SLC35F3: variants seen among roughly 807,000 people sequenced by gnomAD.
SLC35F3 encodes the protein putative thiamine transporter SLC35F3.
Under a neutral mutation model 49.9 loss-of-function variants are expected in SLC35F3, and 25 were observed. That is an observed-to-expected ratio of 0.50 (90% CI 0.37 to 0.70). The LOEUF is 0.70. Among genes scored for constraint, SLC35F3 ranks in the 30% least tolerant of loss-of-function variants. The pLI is 0.00. For synonymous variants in SLC35F3, 275 were observed against 265.4 expected (o/e 1.04, Z -0.35); for missense variants, 525 against 639.8 (o/e 0.82, Z 1.94).
At chr1:234,036,663 C>G (rs962132233) in intron 2 of SLC35F3, among the ~76,000 whole-genome samples, 1 of 152,252 alleles carries the variant, frequency 6.6e-6, no homozygotes. Flanking sequence ...TTGTCAGTGT[C>G]GGGAGGGACA....
Position 234,105,122 on chromosome 1 carries a change from C to T in SLC35F3, c.284-126295C>T, listed in dbSNP as rs571126310. 4.4e-5 allele frequency among the ~76,000 whole-genome samples: 5 copies of T among 112,514 alleles called. No individual in the cohort carries two copies. In the East Asian group the frequency reaches 7.9e-4, roughly 18 times the overall value. 73.8% of individuals were successfully genotyped at this position (112,514 alleles called of 152,430 possible). ...TGGCCTGGGCGACAATGTGAGACTC[C>T]GTTAAAAAAAAAAAAAAAAAACCTT... On this transcript the variant is annotated intron_variant, in intron 2 of 7. Transcript: ENST00000366618.
intron 2 of SLC35F3, among the ~76,000 whole-genome samples, chr1:234,035,890 G>A (rs1664133392): frequency 6.6e-6 from 1 of 152,106 alleles, no homozygotes; most frequent in Non-Finnish European, 1.5e-5. Context: ...CACCAAAGTG[G>A]TTGTTTTTTC....
chr1:234,316,582 A>G lies in SLC35F3; in HGVS notation c.829-20A>G, dbSNP rs1235310096. ...CTCCGTCCCGACTTCCCTGACCAGC[A>G]TTTTCTTCCGTCTGTCCAGATTGTG... On this transcript the variant is annotated intron_variant, in intron 4 of 7. Coordinates refer to ENST00000366618, the MANE Select transcript of SLC35F3 (RefSeq NM_173508.4). The G allele has an allele frequency of 6.3e-7, 1 of 1,593,770 alleles. No individual in the cohort carries two copies. Among genetic ancestry groups the G allele is most frequent in the Non-Finnish European group, 8.6e-7 (1 of 1,163,798 alleles).
At chr1:233,920,875 C>T (rs1171944558) in intron 2 of SLC35F3, among the ~76,000 whole-genome samples, 1 of 152,222 alleles carries the variant, frequency 6.6e-6, no homozygotes, top group East Asian at 1.9e-4. Flanking sequence ...AGTCCTACAA[C>T]CACAGTCAAC....
chr1:233,912,077 G>A (rs750981950), intron 2 of SLC35F3, among the ~76,000 whole-genome samples: 1 of 152,156 alleles, frequency 6.6e-6, no homozygotes, highest in Non-Finnish European at 1.5e-5. Flanking sequence ...GGATGCTCTG[G>A]CCCTGCAGCC....
In SLC35F3 at chr1:234,193,870, A is replaced by T. The variant is rs190140768; in HGVS notation, c.284-37547A>T. Among the ~76,000 whole-genome samples, 6 of 152,354 alleles carry T rather than the reference A, an allele frequency of 3.9e-5. No individual in the cohort carries two copies. The East Asian group carries it at 1.2e-3, about 29-fold the overall frequency. On this transcript the variant is annotated intron_variant, in intron 2 of 7. Transcript: ENST00000366618. ...TGCTCAACATCACTAATGATAAAGGAAATGTAAATGAAAACCGCAATACAA... is the reference window on the plus strand; with the variant it reads ...TGCTCAACATCACTAATGATAAAGGTAATGTAAATGAAAACCGCAATACAA...
At chr1:233,987,169 A>T (rs532049436) in intron 2 of SLC35F3, among the ~76,000 whole-genome samples, 25 of 152,324 alleles carry the variant, frequency 1.6e-4, no homozygotes, top group African/African-American at 5.8e-4. Context: ...ACATGCCTGT[A>T]ATCTCAGCTA....
At chr1:234,227,173 T>G (rs921786934) in intron 2 of SLC35F3, among the ~76,000 whole-genome samples, 2 of 152,170 alleles carry the variant, frequency 1.3e-5, no homozygotes, top group African/African-American at 4.8e-5. Context: ...TACTTTGCAT[T>G]GCTCCCAGAA....
chr1:234,069,628 C>T (rs1664683494), intron 2 of SLC35F3, among the ~76,000 whole-genome samples: 1 of 152,210 alleles, frequency 6.6e-6, no homozygotes, highest in Non-Finnish European at 1.5e-5. Flanking sequence ...GTTGCCAGAA[C>T]TTACGAGTCT....
Position 234,077,791 on chromosome 1 carries a change from C to CACACAGTCTGCAGTGCTGCCTG in SLC35F3, c.284-153625_284-153604dup, listed in dbSNP as rs529915529. Reference sequence around the variant, plus strand: ...CAGTGAACAGCGACCCCTCTCAATTCACACAGTCTGCAGTGCTGCCTGGCA... The same window carrying CACACAGTCTGCAGTGCTGCCTG: ...CAGTGAACAGCGACCCCTCTCAATTCACACAGTCTGCAGTGCTGCCTGACACAGTCTGCAGTGCTGCCTGGCA... On this transcript the variant is annotated intron_variant, in intron 2 of 7. Coordinates refer to ENST00000366618, the MANE Select transcript of SLC35F3 (RefSeq NM_173508.4). 6.4e-3 allele frequency among the ~76,000 whole-genome samples: 970 copies of CACACAGTCTGCAGTGCTGCCTG among 152,054 alleles called. 13 individuals carry two copies. Among genetic ancestry groups the CACACAGTCTGCAGTGCTGCCTG allele is most frequent in the African/African-American group, 0.022 (925 of 41,452 alleles).
chr1:234,158,703 A>T (rs1227945749), intron 2 of SLC35F3, among the ~76,000 whole-genome samples: 3 of 152,200 alleles, frequency 2.0e-5, no homozygotes, highest in Admixed American at 6.5e-5. Context: ...TAGACATGGA[A>T]TTGGTTGTCA....
chr1:234,099,697 A>G (rs1275529216), intron 2 of SLC35F3, among the ~76,000 whole-genome samples: 1 of 152,014 alleles, frequency 6.6e-6, no homozygotes, highest in Non-Finnish European at 1.5e-5. Context: ...ACAGAGTTGC[A>G]TTCTCTTCCA....
At chr1:234,313,960 T>C (rs1377338754) in intron 4 of SLC35F3, among the ~76,000 whole-genome samples, 1 of 152,230 alleles carries the variant, frequency 6.6e-6, no homozygotes, top group Non-Finnish European at 1.5e-5. Context: ...ACAGGGCACG[T>C]TCCAACCCTG....
chr1:234,217,140 A>C (rs1197043772), intron 2 of SLC35F3, among the ~76,000 whole-genome samples: 3 of 152,208 alleles, frequency 2.0e-5, no homozygotes, highest in Admixed American at 6.5e-5. Context: ...GGCTACAGGG[A>C]GGGAATGCAG....
At chr1:234,155,849 C>A (rs1666144066) in intron 2 of SLC35F3, among the ~76,000 whole-genome samples, 1 of 150,616 alleles carries the variant, frequency 6.6e-6, no homozygotes, top group Non-Finnish European at 1.5e-5. Flanking sequence ...AAATAATATT[C>A]AATTACTATA....
intron 2 of SLC35F3, among the ~76,000 whole-genome samples, chr1:234,050,631 C>G (rs1194293804): frequency 6.6e-6 from 1 of 152,164 alleles, no homozygotes; most frequent in Non-Finnish European, 1.5e-5. Context: ...TGCAGAAGCT[C>G]TTTAGTTTAA....
chr1:234,209,314 G>C (rs528955282), intron 2 of SLC35F3, among the ~76,000 whole-genome samples: 32 of 151,852 alleles, frequency 2.1e-4, no homozygotes, highest in African/African-American at 3.4e-4. Flanking sequence ...GGGCAATTTT[G>C]TAAGTATCCT....
At chr1:234,196,041 A>G (rs1227955746) in intron 2 of SLC35F3, among the ~76,000 whole-genome samples, 3 of 152,062 alleles carry the variant, frequency 2.0e-5, no homozygotes, top group African/African-American at 7.2e-5. Flanking sequence ...GCAGTGTGGA[A>G]ATGGACTAAT....
intron 2 of SLC35F3, chr1:234,213,518 G>T (rs1667071738): frequency 6.6e-6 from 1 of 152,312 alleles, no homozygotes; most frequent in Non-Finnish European, 1.5e-5. Flanking sequence ...GGACTCAGTG[G>T]TCACTCAGGG....
Sources: allele counts gnomAD v4.1 joint callset (sites outside exome capture counted in the v4.1 genomes callset), GRCh38; gene constraint gnomAD v4.1.1; transcripts MANE v1.5; gene names NCBI Gene and HGNC (gene_info 2026-07-23, HGNC 2026-07-21).